Variants in ATP9A observed in about 807,000 individuals in gnomAD.
ATP9A encodes the protein probable phospholipid-transporting ATPase IIA.
ATP9A carries 52 observed loss-of-function variants against 144.1 expected under a neutral mutation model. The ratio of observed to expected loss-of-function variants is 0.36; its 90% CI spans 0.29 to 0.45. The LOEUF (loss-of-function observed/expected upper bound fraction) is 0.45. Ranked by LOEUF, ATP9A falls within the 20% of genes least tolerant of loss-of-function variation. The pLI, the probability that ATP9A is intolerant of heterozygous loss-of-function variation, is 1.00. For synonymous variants in ATP9A, 582 were observed against 557.4 expected (o/e 1.04, Z -0.62); for missense variants, 947 against 1,392.7 (o/e 0.68, Z 5.09).
At chr20:51,752,801 A>C (rs1026480276) in intron 1 of ATP9A, among the ~76,000 whole-genome samples, 4 of 152,288 alleles carry the variant, frequency 2.6e-5, no homozygotes, top group African/African-American at 9.6e-5. Context: ...GCCAGGATTC[A>C]GAATGAAAAC....
chr20:51,714,142 T>C (rs1428149636), intron 3 of ATP9A, among the ~76,000 whole-genome samples: 1 of 151,992 alleles, frequency 6.6e-6, no homozygotes, highest in Admixed American at 6.6e-5. Flanking sequence ...CTTGACCTCG[T>C]GATCCGCCCA....
intron 9 of ATP9A, among the ~76,000 whole-genome samples, chr20:51,685,017 T>TAAAAAAAAAA (rs11325921): frequency 7.9e-5 from 11 of 139,894 alleles, no homozygotes; most frequent in East Asian, 2.2e-4. Flanking sequence ...TCTCCAAAAA[T>TAAAAAAAAAA]AAAAAAAAAA....
chr20:51,625,441 G>C, intron 17 of ATP9A, 79 bp from the exon 18 acceptor site: 1 of 1,485,656 alleles, frequency 6.7e-7, no homozygotes, highest in Non-Finnish European at 9.1e-7. Flanking sequence ...AGAGTGGAAG[G>C]GCCACACCCG....
In ATP9A at chr20:51,687,844, G is replaced by A. The variant is rs374176648; in HGVS notation, c.799+1220C>T. Reference sequence around the variant, plus strand: ...CAGCAGAGTAAAACGGCTTGATGGTGGGGAGTGGAGAATACTATGTTTGAA... The same window carrying A: ...CAGCAGAGTAAAACGGCTTGATGGTAGGGAGTGGAGAATACTATGTTTGAA... On this transcript the variant is annotated intron_variant, in intron 9 of 27. Coordinates refer to ENST00000338821, the MANE Select transcript of ATP9A (RefSeq NM_006045.3). Among the ~76,000 whole-genome samples the A allele has an allele frequency of 3.9e-3, 591 of 152,208 alleles. 5 individuals are homozygous for A. Among genetic ancestry groups the A allele is most frequent in the African/African-American group, 0.014 (568 of 41,514 alleles).
intron 4 of ATP9A, among the ~76,000 whole-genome samples, chr20:51,710,466 CTTCT>C (rs2077633259): frequency 6.6e-6 from 1 of 152,172 alleles, no homozygotes; most frequent in African/African-American, 2.4e-5. Context: ...TCAAAAAAGG[CTTCT>C]TTTTCTCCCT....
At chr20:51,738,533 G>C (rs920741932) in intron 1 of ATP9A, among the ~76,000 whole-genome samples, 4 of 150,972 alleles carry the variant, frequency 2.6e-5, no homozygotes, top group Non-Finnish European at 5.9e-5. Flanking sequence ...GTGAAACCCT[G>C]TCTCTACTAA....
At position 51,619,018 on chromosome 20, in the gene ATP9A, A is replaced by G. The variant is rs1230976704; in HGVS notation, c.2141T>C (p.Leu714Pro). 1.2e-6 allele frequency: 2 copies of G among 1,613,986 alleles called. No homozygotes were observed. The highest frequency in any genetic ancestry group is 1.7e-6 in the Non-Finnish European group (2 of 1,180,016). ...RLVTNRGEAH[L>P]ELNAFRRKHD... ...CTTCCTGCGGAAGGCGTTCAGCTCG[A>G]GGTGAGCCTCCCCGCGGTTGGTCAC... The change falls in exon 20 of 28, where the codon CTC becomes CCC. Residue 714 changes from leucine to proline, a missense_variant. By Grantham distance (98) the Leu-to-Pro change is moderately conservative. Transcript: ENST00000338821.
intron 13 of ATP9A, among the ~76,000 whole-genome samples, chr20:51,658,626 T>C (rs1038659451): frequency 1.3e-4 from 19 of 150,372 alleles, no homozygotes; most frequent in African/African-American, 4.4e-4. Context: ...TTCAAGTGAT[T>C]CTCCTGCCTC....
intron 13 of ATP9A, among the ~76,000 whole-genome samples, chr20:51,665,724 C>CA (rs34213354): frequency 0.015 from 1,888 of 124,144 alleles, 43 homozygotes; most frequent in African/African-American, 0.051. Context: ...GACTTCGTCT[C>CA]AAAAAAAAAA....
chr20:51,695,819 G>A (rs1308669798), intron 6 of ATP9A, among the ~76,000 whole-genome samples: 5 of 152,156 alleles, frequency 3.3e-5, no homozygotes, highest in South Asian at 2.1e-4. Context: ...TAACACAGCC[G>A]GGAGAGGAAA....
chr20:51,620,936 T>G (rs890660777), intron 19 of ATP9A, among the ~76,000 whole-genome samples: 1 of 151,688 alleles, frequency 6.6e-6, no homozygotes, highest in Admixed American at 6.6e-5. Flanking sequence ...TCACCTGAGG[T>G]CAGGGGTTCG....
intron 15 of ATP9A, among the ~76,000 whole-genome samples, chr20:51,629,634 A>C (rs1228101232): frequency 1.3e-5 from 2 of 152,216 alleles, no homozygotes; most frequent in Admixed American, 1.3e-4. Flanking sequence ...TCCTGGGGGC[A>C]AACTGACTGT....
chr20:51,716,972 C>A (rs2209315), intron 3 of ATP9A, among the ~76,000 whole-genome samples: 18 of 152,042 alleles, frequency 1.2e-4, no homozygotes, highest in Admixed American at 2.0e-4. Context: ...TCAGGAGTTC[C>A]AGATCAGCCT....
Position 51,690,871 on chromosome 20 carries a change from C to T in ATP9A, c.643-52G>A, listed in dbSNP as rs753222056. The T allele has an allele frequency of 5.7e-6, 8 of 1,395,728 alleles. 1 individual carries two copies. In the South Asian group the frequency reaches 9.3e-5, roughly 16 times the overall value. The allele number at this position is 1,395,728 out of a possible 1,614,324, so 86.5% of individuals were successfully genotyped here. ...GTCAAAGTCAGTTCACAATGCAAGACTTCAGGAGGCATCCACTATGTTTCC... is the reference window on the plus strand; with the variant it reads ...GTCAAAGTCAGTTCACAATGCAAGATTTCAGGAGGCATCCACTATGTTTCC... On this transcript the variant is annotated intron_variant, in intron 7 of 27. Coordinates refer to ENST00000338821, the MANE Select transcript of ATP9A (RefSeq NM_006045.3).
intron 3 of ATP9A, among the ~76,000 whole-genome samples, chr20:51,714,435 G>A (rs1399134316): frequency 1.3e-5 from 2 of 152,074 alleles, no homozygotes; most frequent in Admixed American, 1.3e-4. Context: ...AGGATGGAGT[G>A]CAGTGGCACC....
chr20:51,760,691 A>T (rs868070255), intron 1 of ATP9A, among the ~76,000 whole-genome samples: 1 of 143,048 alleles, frequency 7.0e-6, no homozygotes, highest in African/African-American at 2.7e-5. Context: ...ACGCCACTGC[A>T]CTCCAGCCTG....
chr20:51,658,665 G>A lies in ATP9A; in HGVS notation c.1294-1515C>T, dbSNP rs183492544. On this transcript the variant is annotated intron_variant, in intron 13 of 27. Transcript: ENST00000338821. Reference sequence around the variant, plus strand: ...CTCCCGAGTAGCTGGCATTACAGGCGCCCGCCACCAAGCCCTGCTAATTCT... The same window carrying A: ...CTCCCGAGTAGCTGGCATTACAGGCACCCGCCACCAAGCCCTGCTAATTCT... 9.8e-3 allele frequency among the ~76,000 whole-genome samples: 1,491 copies of A among 151,542 alleles called. 18 individuals are homozygous for A. Among genetic ancestry groups the A allele is most frequent in the South Asian group, 0.03 (145 of 4,766 alleles).
intron 3 of ATP9A, among the ~76,000 whole-genome samples, chr20:51,719,606 A>G (rs567500554): frequency 5.5e-4 from 84 of 151,774 alleles, no homozygotes; most frequent in African/African-American, 2.0e-3. Flanking sequence ...GGTGGCACGC[A>G]CCTGTAGTCC....
At chr20:51,753,480 ACAAC>A (rs1568848285) in intron 1 of ATP9A, among the ~76,000 whole-genome samples, 180 of 151,648 alleles carry the variant, frequency 1.2e-3, no homozygotes, top group African/African-American at 4.3e-3. Flanking sequence ...AACAACAACA[ACAAC>A]AACAAACCCA....
Sources: gnomAD v4.1 joint callset for allele counts (sites outside exome capture counted in the v4.1 genomes callset) on GRCh38, gnomAD v4.1.1 for gene constraint, MANE v1.5 for transcripts, NCBI Gene and HGNC (gene_info 2026-07-23, HGNC 2026-07-21) for gene names.